Variants in CCDC82 observed in about 807,000 individuals in gnomAD.
CCDC82 encodes the protein coiled-coil domain containing 82, also known as coiled-coil domain-containing protein 82.
Under a neutral mutation model 60.6 loss-of-function variants are expected in CCDC82, and 47 were observed. The observed-to-expected ratio is 0.77, with a 90% confidence interval of 0.61 to 0.99. The LOEUF is 0.99. CCDC82 is among the 50% of genes least tolerant of loss of function. CCDC82 has a pLI of 0.00. For synonymous variants in CCDC82, 212 were observed against 207.4 expected, an observed-to-expected ratio of 1.02 and a Z score of -0.19; for missense variants, 588 against 633.0, an observed-to-expected ratio of 0.93 and a Z score of 0.76.
intron 9 of CCDC82, chr11:96,356,658 T>A (rs1024507213): frequency 1.2e-5 from 11 of 954,792 alleles, no homozygotes; most frequent in Non-Finnish European, 1.4e-5. Flanking sequence ...GTTTATTAAA[T>A]ATTTTGGTTT....
intron 9 of CCDC82, chr11:96,356,772 G>A: frequency 1.0e-6 from 1 of 984,482 alleles, no homozygotes; most frequent in Non-Finnish European, 1.2e-6. Flanking sequence ...TCAACCTTTA[G>A]AAGGAAGAAC....
intron 2 of CCDC82, 28 bp downstream of exon 2, chr11:96,387,502 C>T (rs916272443): frequency 6.6e-6 from 1 of 152,038 alleles, no homozygotes; most frequent in Non-Finnish European, 1.5e-5. Flanking sequence ...AATATCAAAG[C>T]CAAGGACATA....
chr11:96,383,706 AT>A (rs1866005727), intron 4 of CCDC82, among the ~76,000 whole-genome samples: 1 of 152,024 alleles, frequency 6.6e-6, no homozygotes, highest in African/African-American at 2.4e-5. Context: ...CATTAGAATT[AT>A]AAGAAGTTAA....
chr11:96,359,217 A>G, intron 8 of CCDC82, 39 bp from the exon 9 acceptor site: 2 of 1,473,900 alleles, frequency 1.4e-6, no homozygotes, highest in Non-Finnish European at 1.8e-6. Flanking sequence ...GACAACGAAT[A>G]TATATCCTTT....
chr11:96,368,246 C>T (rs1865055398), intron 7 of CCDC82, among the ~76,000 whole-genome samples: 1 of 152,148 alleles, frequency 6.6e-6, no homozygotes, highest in Admixed American at 6.5e-5. Flanking sequence ...CATCAGAATT[C>T]TTGGGTGACC....
chr11:96,361,708 C>T (rs1366110951), intron 8 of CCDC82, among the ~76,000 whole-genome samples: 1 of 152,170 alleles, frequency 6.6e-6, no homozygotes, highest in Non-Finnish European at 1.5e-5. Context: ...ATACAGCTTA[C>T]ACTGTAGGAA....
At chr11:96,376,046 T>C (rs1425747375) in intron 5 of CCDC82, among the ~76,000 whole-genome samples, 1 of 152,204 alleles carries the variant, frequency 6.6e-6, no homozygotes, top group Non-Finnish European at 1.5e-5. Context: ...CCATGACTAT[T>C]TAAAAAACTG....
intron 2 of CCDC82, 148 bp from the exon 3 acceptor site, chr11:96,386,441 G>A (rs12273522): frequency 0.21 from 32,239 of 152,088 alleles, 3,541 homozygotes; most frequent in East Asian, 0.31. Context: ...AAATTATAGC[G>A]TGTAGGATGA....
intron 9 of CCDC82, 25 bp from the exon 10 acceptor site, chr11:96,353,739 T>A (rs1864202878): frequency 6.4e-7 from 1 of 1,561,752 alleles, no homozygotes. Context: ...GAAAAGCTAG[T>A]TATTTTACTC....
intron 9 of CCDC82, chr11:96,358,161 C>G: frequency 1.0e-6 from 1 of 988,390 alleles, no homozygotes; most frequent in Non-Finnish European, 1.2e-6. Flanking sequence ...GGCAATGGAT[C>G]TCAAGTTAGG....
chr11:96,361,973 A>G (rs1205095830), intron 8 of CCDC82, among the ~76,000 whole-genome samples: 1 of 152,252 alleles, frequency 6.6e-6, no homozygotes, highest in Non-Finnish European at 1.5e-5. Flanking sequence ...GGTTAAGCAC[A>G]GTTATCTGAC....
At chr11:96,384,964 C>G (rs1866109270) in intron 3 of CCDC82, 3 of 458,302 alleles carry the variant, frequency 6.5e-6, no homozygotes, top group Non-Finnish European at 1.1e-5. Flanking sequence ...TGAACATCTA[C>G]TCTGAATTAC....
At chr11:96,367,740 A>G (rs1013846496) in intron 7 of CCDC82, among the ~76,000 whole-genome samples, 8 of 152,118 alleles carry the variant, frequency 5.3e-5, no homozygotes, top group African/African-American at 1.7e-4. Flanking sequence ...AATACTTTCC[A>G]GAAGGTTTTT....
Position 96,359,011 on chromosome 11 carries a change from T to G in CCDC82, c.1548A>C (p.Glu516Asp). The change falls in exon 9 of 10, where the codon GAA becomes GAC. Residue 516 changes from glutamate to aspartate, a missense_variant. By Grantham distance (45) the Glu-to-Asp change is conservative (BLOSUM62 2). Transcript: ENST00000646818. ...ACCTTACCTCCTTAATCCAGCCATTTTCTTTTGACCGCCTGAAAATTCTTT... is the reference window on the plus strand; with the variant it reads ...ACCTTACCTCCTTAATCCAGCCATTGTCTTTTGACCGCCTGAAAATTCTTT... ...TVERIFRRSKENGWIKEKYGQ... is the reference protein window; with the variant it reads ...TVERIFRRSKDNGWIKEKYGQ... 1 of 1,609,106 alleles carries G rather than the reference T, an allele frequency of 6.2e-7. No homozygotes were observed. Among genetic ancestry groups the G allele is most frequent in the South Asian group, 1.1e-5 (1 of 89,732 alleles).
chr11:96,356,750 G>C (rs562204301), intron 9 of CCDC82: 18 of 982,052 alleles, frequency 1.8e-5, no homozygotes, highest in Non-Finnish European at 2.2e-5. Flanking sequence ...ATTAAAAACG[G>C]ATCACCCTAG....
At chr11:96,365,854 G>C (rs1864918742) in intron 7 of CCDC82, among the ~76,000 whole-genome samples, 1 of 151,582 alleles carries the variant, frequency 6.6e-6, no homozygotes, top group Admixed American at 6.6e-5. Context: ...GTGTAGATTA[G>C]GTTTTAATAC....
rs1273258731 is a variant in CCDC82 at position 96,365,052 on chromosome 11, T to C, written c.1308A>G (p.Ser436=). The part of the protein sequence containing the change: ...ACGLHRYCKY[S]VHLSGELYNT... ...TATACAACTCTCCTGATAAATGCACTGAATATTTACAGTAGCGATGCAGTC... is the reference window on the plus strand; with the variant it reads ...TATACAACTCTCCTGATAAATGCACCGAATATTTACAGTAGCGATGCAGTC... The change falls in exon 8 of 10, where the codon TCA becomes TCG. Residue 436 remains serine, a synonymous_variant. Transcript: ENST00000646818. 3.7e-6 allele frequency: 6 copies of C among 1,610,682 alleles called. No homozygotes were observed. In the East Asian group the frequency reaches 1.3e-4, roughly 36 times the overall value.
At chr11:96,382,669 A>G (rs1591216729) in intron 5 of CCDC82, 3 of 151,904 alleles carry the variant, frequency 2.0e-5, no homozygotes, top group South Asian at 4.1e-4. Flanking sequence ...AAACAGTATC[A>G]TTTGTCAAAT....
At chr11:96,376,829 A>C (rs1051631475) in intron 5 of CCDC82, among the ~76,000 whole-genome samples, 1 of 152,198 alleles carries the variant, frequency 6.6e-6, no homozygotes, top group Non-Finnish European at 1.5e-5. Flanking sequence ...GCTAGTATAC[A>C]AGAGAACCAT....
Sources: gnomAD v4.1 joint callset for allele counts (sites outside exome capture counted in the v4.1 genomes callset) on GRCh38, gnomAD v4.1.1 for gene constraint, MANE v1.5 for transcripts, NCBI Gene and HGNC (gene_info 2026-07-23, HGNC 2026-07-21) for gene names.